Variants in ZNF804A observed in about 807,000 individuals in gnomAD.
The protein encoded by ZNF804A is zinc finger protein 804A.
A neutral mutation model predicts 16.5 loss-of-function variants in ZNF804A; 2 were observed. That is an observed-to-expected ratio of 0.12 (90% CI 0.05 to 0.38). ZNF804A has a LOEUF of 0.38. Among genes scored for constraint, ZNF804A ranks in the 10% least tolerant of loss-of-function variants. The probability of loss-of-function intolerance (pLI) is 0.99; values close to 1 mark genes in which losing one functional copy is unlikely to be tolerated. For synonymous variants in ZNF804A, 534 were observed against 489.6 expected, an observed-to-expected ratio of 1.09 and a Z score of -1.20; for missense variants, 1,473 against 1,390.7, an observed-to-expected ratio of 1.06 and a Z score of -0.94.
At chr2:184,718,145 A>T (rs1301936782) in intron 1 of ZNF804A, among the ~76,000 whole-genome samples, 2 of 152,194 alleles carry the variant, frequency 1.3e-5, no homozygotes, top group African/African-American at 4.8e-5. Flanking sequence ...CAAGTCTCAC[A>T]TGGCAGCAGA....
intron 1 of ZNF804A, among the ~76,000 whole-genome samples, chr2:184,832,809 T>C (rs1353233111): frequency 1.3e-5 from 2 of 151,958 alleles, no homozygotes. Flanking sequence ...CAAAAGTTCA[T>C]TGTGTTTTAT....
chr2:184,638,525 T>G (rs1691740814), intron 1 of ZNF804A, among the ~76,000 whole-genome samples: 1 of 152,194 alleles, frequency 6.6e-6, no homozygotes, highest in Non-Finnish European at 1.5e-5. Context: ...CTTTAGTCAG[T>G]ACAAACTTCA....
chr2:184,635,231 T>C (rs1691677350), intron 1 of ZNF804A, among the ~76,000 whole-genome samples: 1 of 152,164 alleles, frequency 6.6e-6, no homozygotes, highest in African/African-American at 2.4e-5. Flanking sequence ...ACAAGCATTT[T>C]TCCGTATGAA....
intron 1 of ZNF804A, among the ~76,000 whole-genome samples, chr2:184,612,307 T>C (rs1297696267): frequency 6.6e-6 from 1 of 152,194 alleles, no homozygotes; most frequent in South Asian, 2.1e-4. Context: ...TAAAATTTAA[T>C]GGAATTTTCT....
At chr2:184,695,130 T>G (rs943655989) in intron 1 of ZNF804A, among the ~76,000 whole-genome samples, 5 of 152,154 alleles carry the variant, frequency 3.3e-5, no homozygotes, top group Non-Finnish European at 7.4e-5. Context: ...AACTTCAAAA[T>G]ATGTAGAGAG....
chr2:184,795,219 C>T (rs1222457380), intron 1 of ZNF804A, among the ~76,000 whole-genome samples: 1 of 152,096 alleles, frequency 6.6e-6, no homozygotes, highest in African/African-American at 2.4e-5. Flanking sequence ...GTATCAAGCA[C>T]TCTCCCAGAC....
Position 184,703,114 on chromosome 2 carries a change from T to C in ZNF804A, c.111+104044T>C, listed in dbSNP as rs576977025. Among the ~76,000 whole-genome samples the C allele has an allele frequency of 4.6e-5, 7 of 152,304 alleles. No homozygotes were observed. In the South Asian group the frequency reaches 1.4e-3, roughly 32 times the overall value. On this transcript the variant is annotated intron_variant, in intron 1 of 3. Coordinates refer to ENST00000302277, the MANE Select transcript of ZNF804A (RefSeq NM_194250.2). ...TTACAGCTTCTACAACACAAAGGCT[T>C]CTTTTTCTTACATTTCGTGAAGTGT...
intron 2 of ZNF804A, among the ~76,000 whole-genome samples, chr2:184,869,420 G>A (rs1325301064): frequency 1.3e-5 from 2 of 151,910 alleles, no homozygotes; most frequent in East Asian, 3.9e-4. Flanking sequence ...TAGAAAAAGG[G>A]AGGAGGATTT....
At chr2:184,610,729 T>C (rs1271087140) in intron 1 of ZNF804A, among the ~76,000 whole-genome samples, 4 of 152,198 alleles carry the variant, frequency 2.6e-5, no homozygotes, top group Non-Finnish European at 5.9e-5. Flanking sequence ...TGTGCATTTA[T>C]AGTTGAGAAG....
intron 1 of ZNF804A, among the ~76,000 whole-genome samples, chr2:184,737,550 A>G (rs559474778): frequency 6.6e-6 from 1 of 152,158 alleles, no homozygotes; most frequent in Non-Finnish European, 1.5e-5. Flanking sequence ...ATTATCATTA[A>G]TATCTCTCTA....
chr2:184,605,064 T>C (rs1203174159), intron 1 of ZNF804A, among the ~76,000 whole-genome samples: 3 of 152,152 alleles, frequency 2.0e-5, no homozygotes, highest in Non-Finnish European at 4.4e-5. Flanking sequence ...TTATATACCA[T>C]ATTTGGGAAA....
chr2:184,851,235 A>T (rs1695597987), intron 1 of ZNF804A, among the ~76,000 whole-genome samples: 1 of 151,872 alleles, frequency 6.6e-6, no homozygotes, highest in Admixed American at 6.6e-5. Context: ...TGAGAATGCA[A>T]TACATTGTTA....
chr2:184,904,807 A>G (rs1233104206), intron 2 of ZNF804A, among the ~76,000 whole-genome samples: 2 of 152,068 alleles, frequency 1.3e-5, no homozygotes, highest in Non-Finnish European at 2.9e-5. Context: ...GAAATATACT[A>G]TTATCCATTC....
Position 184,683,197 on chromosome 2 carries a change from C to T in ZNF804A, c.111+84127C>T, listed in dbSNP as rs1031984984. Among the ~76,000 whole-genome samples, 8 of 152,212 alleles carry T rather than the reference C, an allele frequency of 5.3e-5. No individual in the cohort carries two copies. In the East Asian group the frequency reaches 1.5e-3, roughly 29 times the overall value. ...TGTTGTGTGCTAGGTATGTGTAATT[C>T]AGTACAATGAACAATTCAATGTCTA... On this transcript the variant is annotated intron_variant, in intron 1 of 3. Coordinates refer to ENST00000302277, the MANE Select transcript of ZNF804A (RefSeq NM_194250.2).
intron 1 of ZNF804A, among the ~76,000 whole-genome samples, chr2:184,608,094 C>T (rs991366631): frequency 6.6e-6 from 1 of 150,718 alleles, no homozygotes; most frequent in Non-Finnish European, 1.5e-5. Context: ...TACAGGCGCC[C>T]GCCACTACGC....
intron 1 of ZNF804A, among the ~76,000 whole-genome samples, chr2:184,686,136 T>C (rs1328185861): frequency 2.0e-5 from 3 of 152,206 alleles, no homozygotes; most frequent in Non-Finnish European, 4.4e-5. Flanking sequence ...AACAGGCACT[T>C]CTGAGCTTGC....
intron 1 of ZNF804A, among the ~76,000 whole-genome samples, chr2:184,647,957 AAAG>A (rs1691910955): frequency 6.6e-6 from 1 of 152,204 alleles, no homozygotes; most frequent in Admixed American, 6.5e-5. Flanking sequence ...AGTCAACACT[AAAG>A]AAAAAATGTT....
intron 2 of ZNF804A, among the ~76,000 whole-genome samples, chr2:184,929,511 G>C (rs1685662693): frequency 6.6e-6 from 1 of 151,950 alleles, no homozygotes; most frequent in South Asian, 2.1e-4. Context: ...GTATGTGTGA[G>C]TATGTAATAA....
At chr2:184,711,969 A>T (rs545986446) in intron 1 of ZNF804A, among the ~76,000 whole-genome samples, 1 of 151,760 alleles carries the variant, frequency 6.6e-6, no homozygotes, top group South Asian at 2.1e-4. Flanking sequence ...ATCCTTATGA[A>T]TATTAGTATA....
Sources: allele counts gnomAD v4.1 joint callset (sites outside exome capture counted in the v4.1 genomes callset), GRCh38; gene constraint gnomAD v4.1.1; transcripts MANE v1.5; gene names NCBI Gene and HGNC (gene_info 2026-07-23, HGNC 2026-07-21).